The following NIN variants were observed in gnomAD, a reference collection of about 807,000 sequenced individuals.
The protein encoded by NIN is glycogen synthase kinase 3 beta-interacting protein.
Under a neutral mutation model 257.6 loss-of-function variants are expected in NIN, and 137 were observed. The observed-to-expected ratio is 0.53, with a 90% confidence interval of 0.46 to 0.61. The LOEUF is 0.61. Among genes scored for constraint, NIN ranks in the 20% least tolerant of loss-of-function variants. The probability of loss-of-function intolerance (pLI) is 0.00; values close to 1 mark genes in which losing one functional copy is unlikely to be tolerated. For missense variants in NIN, 2,439 were observed against 2,501.2 expected, an observed-to-expected ratio of 0.98 and a Z score of 0.53; for synonymous variants, 918 against 919.8, an observed-to-expected ratio of 1.00 and a Z score of 0.04.
Position 50,739,459 on chromosome 14 carries a change from G to A in NIN, c.5477C>T (p.Pro1826Leu), listed in dbSNP as rs141186348. 1 of 1,614,182 alleles carries A rather than the reference G, an allele frequency of 6.2e-7. No individual in the cohort carries two copies. The highest frequency in any genetic ancestry group is 8.5e-7 in the Non-Finnish European group (1 of 1,180,030). ...TTTCTGCTGGTTATGGAGCCCTGAT[G>A]GATGAGTAGCTATCTCTGGGGCCCA... Reference protein sequence around the residue: ...KSWAPEIATHPSGLHNQQKRL... With the variant: ...KSWAPEIATHLSGLHNQQKRL... Residue 1826 changes from proline (P) to leucine (L), a missense_variant, in exon 26 of 31, where the codon CCA becomes CTA. Coordinates refer to ENST00000530997, the MANE Select transcript of NIN (RefSeq NM_020921.4).
At chr14:50,774,684 A>C (rs1307650892) in intron 7 of NIN, among the ~76,000 whole-genome samples, 1 of 151,946 alleles carries the variant, frequency 6.6e-6, no homozygotes, top group Non-Finnish European at 1.5e-5. Flanking sequence ...CAAGGTTAAA[A>C]GTTTGGCTCT....
At position 50,760,112 on chromosome 14, in the gene NIN, A is replaced by G. The variant is rs2042216199; in HGVS notation, c.2144T>C (p.Leu715Pro). Residue 715 changes from leucine to proline, a missense_variant, in exon 17 of 31, where the codon CTG becomes CCG. By Grantham distance (98) the Leu-to-Pro change is moderately conservative. Around this residue, in one of 3 missense-constraint regions of NIN, gnomAD observed 2,043 missense variants for 2,050.2 expected, o/e 1.00. Coordinates refer to ENST00000530997, the MANE Select transcript of NIN (RefSeq NM_020921.4). ...ATGTTGCAGCCTCAGCTTCTCCTGC[A>G]GGTGAGTCTTTTCCTCCTCAAGCTT... Reference protein sequence around the residue: ...QVKLEEEKTHLQEKLRLQHEM... With the variant: ...QVKLEEEKTHPQEKLRLQHEM... The G allele has an allele frequency of 6.2e-7, 1 of 1,614,226 alleles. No individual in the cohort carries two copies. Among genetic ancestry groups the G allele is most frequent in the Admixed American group, 1.7e-5 (1 of 60,032 alleles).
In NIN at chr14:50,756,934, G is replaced by C; in HGVS notation, c.4096C>G (p.Leu1366Val). ...ACACACTCTTCCAGTGTCTGATTGA[G>C]CTGGAGTATATTTCCATCAGGTTCG... ...EIEPDGNILQLNQTLEECVPR... is the reference protein window; with the variant it reads ...EIEPDGNILQVNQTLEECVPR... The change falls in exon 18 of 31, where the codon CTC becomes GTC. Residue 1366 changes from leucine to valine, a missense_variant. By Grantham distance (32) the Leu-to-Val change is conservative. Coordinates refer to ENST00000530997, the MANE Select transcript of NIN (RefSeq NM_020921.4). 1 of 1,579,476 alleles carries C rather than the reference G, an allele frequency of 6.3e-7. No homozygotes were observed. The highest frequency in any genetic ancestry group is 8.6e-7 in the Non-Finnish European group (1 of 1,160,758).
chr14:50,743,560 G>A (rs899089532), intron 23 of NIN, 31 bp from the exon 24 acceptor site: 1 of 1,421,394 alleles, frequency 7.0e-7, no homozygotes, highest in Non-Finnish European at 9.9e-7. Flanking sequence ...GAGGTAAGAG[G>A]GCATTTTTGC....
chr14:50,811,988 G>A (rs867486334), intron 3 of NIN, among the ~76,000 whole-genome samples: 3 of 151,450 alleles, frequency 2.0e-5, no homozygotes, highest in African/African-American at 2.4e-5. Flanking sequence ...GGGCGTGGTG[G>A]CAGTGCCTGT....
At chr14:50,750,966 A>G (rs1365529027) in intron 21 of NIN, among the ~76,000 whole-genome samples, 4 of 152,204 alleles carry the variant, frequency 2.6e-5, no homozygotes, top group African/African-American at 9.7e-5. Context: ...ACAAATGAGC[A>G]GACATGTACT....
chr14:50,765,030 G>T (rs1395134091), intron 14 of NIN, among the ~76,000 whole-genome samples: 1 of 134,798 alleles, frequency 7.4e-6, no homozygotes, highest in Non-Finnish European at 1.5e-5. Context: ...TTCAAGACCA[G>T]CCTGGCCAAC....
Position 50,763,899 on chromosome 14 carries a change from C to A in NIN, c.1701G>T (p.Val567=), listed in dbSNP as rs764080878. ...GTGAGTTCTTCAACGGAAGCCTGAG[C>A]ACTCTGCCTTGTGCACGATATTCTT... ...ELEEYRAQGR[V]LRLPLKNSPS... The change falls in exon 15 of 31, where the codon GTG becomes GTT. Residue 567 remains valine (V), a synonymous_variant. Coordinates refer to ENST00000530997, the MANE Select transcript of NIN (RefSeq NM_020921.4). The A allele has an allele frequency of 1.9e-6, 3 of 1,613,992 alleles. No individual in the cohort carries two copies. Among genetic ancestry groups the A allele is most frequent in the Non-Finnish European group, 2.5e-6 (3 of 1,179,888 alleles).
chr14:50,731,046 G>T (rs1435598119), intron 28 of NIN: 2 of 724,686 alleles, frequency 2.8e-6, no homozygotes, highest in South Asian at 1.5e-5. Flanking sequence ...TTAGAGAAAA[G>T]TATGAGTAAT....
At position 50,771,368 on chromosome 14, in the gene NIN, G is replaced by A. The variant is rs564056446; in HGVS notation, c.1082C>T (p.Ala361Val). 20 of 1,614,190 alleles carry A rather than the reference G, an allele frequency of 1.2e-5. No individual in the cohort carries two copies. In the South Asian group the frequency reaches 2.1e-4, roughly 17 times the overall value. The change falls in exon 10 of 31, where the codon GCT (alanine) becomes GTT (valine). Residue 361 changes from alanine (A) to valine (V), a missense_variant. Transcript: ENST00000530997. ...LVTKNSIHQAALASFKAEIRH... is the reference protein window; with the variant it reads ...LVTKNSIHQAVLASFKAEIRH... Reference sequence around the variant, plus strand: ...GATTTCAGCCTTAAAGCTGGCCAGAGCCGCCTGGTGAATGCTGTTCTTGGT... The same window carrying A: ...GATTTCAGCCTTAAAGCTGGCCAGAACCGCCTGGTGAATGCTGTTCTTGGT...
intron 2 of NIN, among the ~76,000 whole-genome samples, chr14:50,825,221 G>C (rs1290212671): frequency 6.6e-6 from 1 of 152,188 alleles, no homozygotes; most frequent in Non-Finnish European, 1.5e-5. Flanking sequence ...GGTAACAAGT[G>C]AATTATCTAC....
At chr14:50,766,719 CT>C (rs1354925653) in intron 13 of NIN, 60 bp downstream of exon 13, 14 of 1,197,182 alleles carry the variant, frequency 1.2e-5, no homozygotes, top group Non-Finnish European at 2.5e-6. Flanking sequence ...TGCTCCTGTT[CT>C]TTTGAGTAAA....
Position 50,772,455 on chromosome 14 carries a change from C to T in NIN, c.827G>A (p.Ser276Asn), listed in dbSNP as rs1014600864. Residue 276 changes from serine (S) to asparagine (N), a missense_variant, in exon 9 of 31, where the codon AGT (serine) becomes AAT (asparagine). This residue lies in a region of NIN where 387 missense variants were observed against 427.3 expected (regional missense o/e 0.91). Transcript: ENST00000530997. ...TGATGAGGTTGTGGTACGTCGTCCA[C>T]TCTCATCGAAAGACTGGAAGGAGGA... ...RHLSMQSFDE[S>N]GRRTTTSSAM... The T allele has an allele frequency of 1.2e-6, 2 of 1,614,064 alleles. No individual in the cohort carries two copies. The highest frequency in any genetic ancestry group is 1.7e-6 in the Non-Finnish European group (2 of 1,180,026).
chr14:50,770,799 C>A, intron 11 of NIN, 53 bp downstream of exon 11: 1 of 1,572,200 alleles, frequency 6.4e-7, no homozygotes, highest in Middle Eastern at 1.8e-4. Flanking sequence ...GCAGGCGCCA[C>A]TGCCCTGGGC....
Position 50,771,340 on chromosome 14 carries a change from C to A in NIN, c.1110G>T (p.Arg370=). 2 of 1,613,832 alleles carry A rather than the reference C, an allele frequency of 1.2e-6. No homozygotes were observed. Among genetic ancestry groups the A allele is most frequent in the Non-Finnish European group, 1.7e-6 (2 of 1,179,940 alleles). Residue 370 remains arginine (R), a synonymous_variant, in exon 10 of 31, where the codon CGG becomes CGT. Transcript: ENST00000530997. ...CCTTCTGCTCAACTCACAACAAATG[C>A]CGGATTTCAGCCTTAAAGCTGGCCA... ...AALASFKAEI[R]HLLERVDQVV...
chr14:50,756,254 C>T (rs1197125502), intron 18 of NIN, among the ~76,000 whole-genome samples: 3 of 152,116 alleles, frequency 2.0e-5, no homozygotes, highest in Admixed American at 6.5e-5. Flanking sequence ...AGCAAACACT[C>T]GCCATTGTGA....
At chr14:50,825,841 G>A (rs1263040978) in intron 2 of NIN, among the ~76,000 whole-genome samples, 1 of 152,216 alleles carries the variant, frequency 6.6e-6, no homozygotes, top group Non-Finnish European at 1.5e-5. Flanking sequence ...TTGGAATTGA[G>A]AAGCAGAGTT....
At chr14:50,730,401 C>T (rs145093685) in intron 28 of NIN, among the ~76,000 whole-genome samples, 9 of 152,192 alleles carry the variant, frequency 5.9e-5, no homozygotes, top group Admixed American at 3.9e-4. Context: ...AAAGGGAGGA[C>T]GATGCACAGC....
At chr14:50,730,473 T>A (rs2040636445) in intron 28 of NIN, among the ~76,000 whole-genome samples, 1 of 152,028 alleles carries the variant, frequency 6.6e-6, no homozygotes, top group Non-Finnish European at 1.5e-5. Context: ...CAACAAACAT[T>A]ACCAAGACTA....
Sources: gnomAD v4.1 joint callset for allele counts (sites outside exome capture counted in the v4.1 genomes callset) on GRCh38, gnomAD v4.1.1 for gene constraint, gnomAD v4.1.1 regional missense constraint, MANE v1.5 for transcripts, NCBI Gene and HGNC (gene_info 2026-07-23, HGNC 2026-07-21) for gene names.